Variants in EFCAB7 observed in about 807,000 individuals in gnomAD.
EFCAB7 encodes the protein EF-hand calcium-binding domain-containing protein 7.
In EFCAB7, 66 loss-of-function variants were observed where a neutral mutation model predicts 77.1. The ratio of observed to expected loss-of-function variants is 0.86; its 90% confidence interval spans 0.70 to 1.05. EFCAB7 has a LOEUF of 1.05. Ranked by LOEUF, EFCAB7 falls within the 50% of genes least tolerant of loss-of-function variation. The pLI, the probability that EFCAB7 is intolerant of heterozygous loss-of-function variation, is 0.00. For missense variants in EFCAB7, 638 were observed against 730.5 expected (o/e 0.87, Z 1.46); for synonymous variants, 225 against 243.3 (o/e 0.92, Z 0.70).
At chr1:63,538,937 T>C (rs1646796425) in intron 6 of EFCAB7, among the ~76,000 whole-genome samples, 2 of 152,244 alleles carry the variant, frequency 1.3e-5, no homozygotes, top group Admixed American at 6.5e-5. Context: ...TGTCTTACTT[T>C]AATAACTGTT....
intron 6 of EFCAB7, among the ~76,000 whole-genome samples, chr1:63,538,997 T>G (rs1422688094): frequency 6.6e-6 from 1 of 152,226 alleles, no homozygotes; most frequent in African/African-American, 2.4e-5. Flanking sequence ...TTATAGTATG[T>G]AGTTTGGCTG....
chr1:63,560,445 A>G (rs377218117), intron 10 of EFCAB7, among the ~76,000 whole-genome samples: 13 of 150,650 alleles, frequency 8.6e-5, no homozygotes, highest in African/African-American at 2.9e-4. Flanking sequence ...ATTTCTCTTC[A>G]TGATTGAATT....
At chr1:63,543,655 A>G (rs1357876732) in intron 6 of EFCAB7, among the ~76,000 whole-genome samples, 2 of 152,210 alleles carry the variant, frequency 1.3e-5, no homozygotes, top group East Asian at 1.9e-4. Flanking sequence ...ACCGATCTCA[A>G]TGTAAATTAT....
chr1:63,546,202 G>T, intron 7 of EFCAB7, 145 bp downstream of exon 7: 1 of 837,882 alleles, frequency 1.2e-6, no homozygotes. Flanking sequence ...GAAAGTGTTG[G>T]CTTATACATG....
At chr1:63,538,442 G>A (rs1216521479) in intron 6 of EFCAB7, among the ~76,000 whole-genome samples, 1 of 147,548 alleles carries the variant, frequency 6.8e-6, no homozygotes, top group Non-Finnish European at 1.5e-5. Context: ...TGTTTGAAAG[G>A]GTATTTTTTT....
intron 6 of EFCAB7, chr1:63,536,640 C>G (rs1047254848): frequency 1.3e-5 from 2 of 152,198 alleles, no homozygotes; most frequent in Non-Finnish European, 1.5e-5. Context: ...CTTGGCCCCC[C>G]AAAGTGCTGG....
In EFCAB7 at chr1:63,534,141, ATC is replaced by A; in HGVS notation, c.731_732del (p.Ser244CysfsTer10). The A allele has an allele frequency of 6.2e-7, 1 of 1,613,468 alleles. No individual in the cohort carries two copies. The highest frequency in any genetic ancestry group is 8.5e-7 in the Non-Finnish European group (1 of 1,179,564). On this transcript the variant is annotated frameshift_variant, in exon 6 of 14. Transcript: ENST00000371088. LOFTEE classifies it high-confidence loss of function. Reference protein sequence around the residue: ...LLSATRKFKTSVSFTVTMGAN... With the variant: ...LLSATRKFKTXVSFTVTMGAN... ...TGTCAGCAACCAGGAAGTTCAAAAC[ATC>A]TGTTTCCTTCACAGTTACCATGGGG...
intron 11 of EFCAB7, among the ~76,000 whole-genome samples, chr1:63,563,645 T>C (rs1307364324): frequency 6.6e-6 from 1 of 152,234 alleles, no homozygotes; most frequent in Non-Finnish European, 1.5e-5. Flanking sequence ...CTGACACTGG[T>C]TGCCTAACAT....
rs559639452 is a variant in EFCAB7 at position 63,556,217 on chromosome 1, G to A, written c.1214+702G>A. Among the ~76,000 whole-genome samples, 3 of 152,184 alleles carry A rather than the reference G, an allele frequency of 2.0e-5. No individual in the cohort carries two copies. The East Asian group carries it at 5.8e-4, about 29-fold the overall frequency. On this transcript the variant is annotated intron_variant, in intron 9 of 13. Transcript: ENST00000371088. ...AATATGGTGATTATAGTTATATATTGTATCCTTGAAAATTGCTAAGAGAAT... is the reference window on the plus strand; with the variant it reads ...AATATGGTGATTATAGTTATATATTATATCCTTGAAAATTGCTAAGAGAAT...
intron 6 of EFCAB7, chr1:63,536,915 A>T (rs1646770020): frequency 6.6e-6 from 1 of 152,204 alleles, no homozygotes; most frequent in Non-Finnish European, 1.5e-5. Context: ...TTTATTTTAA[A>T]CAAGTTTGGG....
chr1:63,562,632 TA>T (rs1647122949), intron 11 of EFCAB7, among the ~76,000 whole-genome samples: 1 of 149,636 alleles, frequency 6.7e-6, no homozygotes, highest in Non-Finnish European at 1.5e-5. Context: ...CCTGAGTAGC[TA>T]GGACTACAGG....
At chr1:63,527,469 C>T (rs1159165225) in intron 2 of EFCAB7, among the ~76,000 whole-genome samples, 2 of 152,020 alleles carry the variant, frequency 1.3e-5, no homozygotes, top group African/African-American at 2.4e-5. Context: ...AGGTCAGAGA[C>T]AGCGGTAGCA....
chr1:63,526,424 T>C (rs1401187001), intron 2 of EFCAB7, among the ~76,000 whole-genome samples: 1 of 152,184 alleles, frequency 6.6e-6, no homozygotes, highest in Admixed American at 6.5e-5. Flanking sequence ...CTAATAACTT[T>C]ATGGGTAGAG....
intron 6 of EFCAB7, among the ~76,000 whole-genome samples, chr1:63,537,474 T>C (rs926859563): frequency 6.6e-6 from 1 of 152,216 alleles, no homozygotes; most frequent in African/African-American, 2.4e-5. Flanking sequence ...TTATATGTTA[T>C]GTGTATGTCT....
At chr1:63,551,920 T>C (rs1483230764) in intron 8 of EFCAB7, 86 bp downstream of exon 8, 5 of 791,312 alleles carry the variant, frequency 6.3e-6, no homozygotes, top group Non-Finnish European at 9.2e-6. Flanking sequence ...ATTTTATTTT[T>C]TAAGCTTTCA....
At chr1:63,533,840 T>C (rs1646730786) in intron 5 of EFCAB7, among the ~76,000 whole-genome samples, 191 bp downstream of exon 5, 1 of 152,170 alleles carries the variant, frequency 6.6e-6, no homozygotes, top group South Asian at 2.1e-4. Flanking sequence ...TTGACTTAGC[T>C]ATGCTCATTA....
intron 12 of EFCAB7, chr1:63,570,440 T>C (rs1018440988): frequency 2.0e-5 from 3 of 152,230 alleles, no homozygotes; most frequent in Admixed American, 6.5e-5. Flanking sequence ...TAGATCCTTC[T>C]AAATACCTCT....
rs1557672438 is a variant in EFCAB7 at position 63,534,251 on chromosome 1, GA to G, written c.804+42del. On this transcript the variant is annotated intron_variant, in intron 6 of 13. Coordinates refer to ENST00000371088, the MANE Select transcript of EFCAB7 (RefSeq NM_032437.4). ...TTTAAGTTAACAGATGACTTTTTCT[GA>G]AAAAAATTTGACATTAAGTTTATTA... 3.2e-6 allele frequency: 5 copies of G among 1,583,622 alleles called. No individual in the cohort carries two copies. The Admixed American group carries it at 5.3e-5, about 17-fold the overall frequency.
Position 63,555,360 on chromosome 1 carries a change from G to A in EFCAB7, c.1059G>A (p.Val353=). 1.2e-6 allele frequency: 2 copies of A among 1,609,212 alleles called. No homozygotes were observed. Among genetic ancestry groups the A allele is most frequent in the Non-Finnish European group, 1.7e-6 (2 of 1,178,136 alleles). The change falls in exon 9 of 14, where the codon GTG becomes GTA. Residue 353 remains valine, a splice_region_variant and synonymous_variant. Transcript: ENST00000371088. ...TTATTTCATTGTTTTGAGAAAAGGT[G>A]TTTGGATGGACTGGTGAACTAGGAC... ...VCFTELRNRE[V]FGWTGELGPG...
Sources: allele counts gnomAD v4.1 joint callset (sites outside exome capture counted in the v4.1 genomes callset), GRCh38; gene constraint gnomAD v4.1.1; transcripts MANE v1.5; gene names NCBI Gene and HGNC (gene_info 2026-07-23, HGNC 2026-07-21).